MEF2A: variants seen among roughly 807,000 people sequenced by gnomAD.
MEF2A encodes myocyte-specific enhancer factor 2A.
Under a neutral mutation model 55.8 loss-of-function variants are expected in MEF2A, and 28 were observed. The observed-to-expected ratio is 0.50, with a 90% confidence interval of 0.37 to 0.69. The LOEUF is 0.69. MEF2A is among the 30% of genes least tolerant of loss of function. The probability of loss-of-function intolerance (pLI) is 0.00; values close to 1 mark genes in which losing one functional copy is unlikely to be tolerated. For synonymous variants in MEF2A, 239 were observed against 227.1 expected (o/e 1.05, Z -0.47); for missense variants, 528 against 626.2 (o/e 0.84, Z 1.67).
intron 1 of MEF2A, among the ~76,000 whole-genome samples, chr15:99,567,627 CTGTGTGTGTG>C (rs370539645): frequency 0.01 from 1,442 of 143,862 alleles, 23 homozygotes; most frequent in African/African-American, 0.034. Context: ...TTTGTATGTA[CTGTGTGTGTG>C]TGTGTGTGTG....
chr15:99,655,900 C>T (rs909319616), intron 4 of MEF2A, among the ~76,000 whole-genome samples: 4 of 152,076 alleles, frequency 2.6e-5, no homozygotes, highest in African/African-American at 9.7e-5. Flanking sequence ...CTCTCTCTTT[C>T]ATTTAACTGA....
chr15:99,586,217 A>G (rs1243927793), intron 1 of MEF2A, among the ~76,000 whole-genome samples: 5 of 152,150 alleles, frequency 3.3e-5, no homozygotes, highest in East Asian at 1.9e-4. Flanking sequence ...TCTGGGTCAC[A>G]TGGTATATGT....
chr15:99,605,039 A>T lies in MEF2A; in HGVS notation c.-143+6528A>T, dbSNP rs530143273. Among the ~76,000 whole-genome samples the T allele has an allele frequency of 2.6e-3, 402 of 152,260 alleles. 4 individuals are homozygous for T. Among genetic ancestry groups the T allele is most frequent in the Non-Finnish European group, 3.8e-3 (260 of 68,006 alleles). On this transcript the variant is annotated intron_variant, in intron 2 of 11. Coordinates refer to ENST00000557942, the MANE Select transcript of MEF2A (RefSeq NM_001319206.4). Reference sequence around the variant, plus strand: ...CTGCTCACTGCAACCTCCACCTCCCAGGTTCAAGCTGTTCTCTTGCCTCAT... The same window carrying T: ...CTGCTCACTGCAACCTCCACCTCCCTGGTTCAAGCTGTTCTCTTGCCTCAT...
At chr15:99,646,501 A>AT (rs1432729634) in intron 4 of MEF2A, among the ~76,000 whole-genome samples, 1 of 151,992 alleles carries the variant, frequency 6.6e-6, no homozygotes, top group East Asian at 1.9e-4. Flanking sequence ...GAGGTTTTAT[A>AT]TTTATTCAGT....
intron 4 of MEF2A, among the ~76,000 whole-genome samples, chr15:99,666,851 G>A (rs1406110004): frequency 2.6e-5 from 4 of 152,024 alleles, no homozygotes; most frequent in Non-Finnish European, 4.4e-5. Flanking sequence ...AATAGCTTCC[G>A]ACAGAAAGGA....
chr15:99,674,358 C>T, intron 5 of MEF2A, 35 bp from the exon 6 acceptor site: 2 of 1,556,358 alleles, frequency 1.3e-6, no homozygotes, highest in Non-Finnish European at 1.7e-6. Context: ...GAATACGAAA[C>T]CAACAGTTTT....
rs1555461506 is a variant in MEF2A, at chr15:99,622,702, C to CTTTCTTT, written c.-142-10273_-142-10272insCTTTTTT. ...ATCCTTCTTTAGGATGTTTTCTTTT[C>CTTTCTTT]TTTTTTTTTTTCTTTTTTGAGATGG... On this transcript the variant is annotated intron_variant, in intron 2 of 11. Coordinates refer to ENST00000557942, the MANE Select transcript of MEF2A (RefSeq NM_001319206.4). Among the ~76,000 whole-genome samples, 504 of 135,710 alleles carry CTTTCTTT rather than the reference C, an allele frequency of 3.7e-3. 5 individuals are homozygous for CTTTCTTT. Among genetic ancestry groups the CTTTCTTT allele is most frequent in the African/African-American group, 0.012 (459 of 38,454 alleles). 89.0% of individuals were successfully genotyped at this position (135,710 alleles called of 152,430 possible). A position where few individuals can be genotyped will look rare whatever the true frequency, so the allele number is the denominator to read the frequency against.
intron 8 of MEF2A, among the ~76,000 whole-genome samples, chr15:99,696,947 T>C (rs2056564143): frequency 6.6e-6 from 1 of 152,000 alleles, no homozygotes; most frequent in Non-Finnish European, 1.5e-5. Flanking sequence ...AAAAGGATAA[T>C]ACATCAAGAC....
At chr15:99,641,749 A>G (rs1322315801) in intron 3 of MEF2A, among the ~76,000 whole-genome samples, 1 of 151,824 alleles carries the variant, frequency 6.6e-6, no homozygotes, top group African/African-American at 2.4e-5. Flanking sequence ...TCATAATCCC[A>G]CTGGCCGATT....
chr15:99,650,229 A>G (rs1025688174), intron 4 of MEF2A, among the ~76,000 whole-genome samples: 9 of 152,208 alleles, frequency 5.9e-5, no homozygotes, highest in African/African-American at 1.9e-4. Flanking sequence ...TCATGTAGCA[A>G]TGTAGTGGCA....
At chr15:99,687,967 A>G (rs533267214) in intron 7 of MEF2A, among the ~76,000 whole-genome samples, 1 of 152,326 alleles carries the variant, frequency 6.6e-6, no homozygotes, top group African/African-American at 2.4e-5. Context: ...TCTTAATGAC[A>G]TGTGAATGCT....
At chr15:99,639,232 T>C (rs550377933) in intron 3 of MEF2A, among the ~76,000 whole-genome samples, 1 of 152,296 alleles carries the variant, frequency 6.6e-6, no homozygotes, top group South Asian at 2.1e-4. Flanking sequence ...TACTGTCCTC[T>C]TTATAATTTT....
chr15:99,671,229 A>C (rs1284941789), intron 4 of MEF2A, 94 bp from the exon 5 acceptor site: 1 of 1,366,652 alleles, frequency 7.3e-7, no homozygotes, highest in Non-Finnish European at 1.0e-6. Context: ...TGTATAATTC[A>C]GTTCATTCCG....
chr15:99,663,012 C>G (rs1160482369), intron 4 of MEF2A, among the ~76,000 whole-genome samples: 1 of 152,022 alleles, frequency 6.6e-6, no homozygotes, highest in Non-Finnish European at 1.5e-5. Flanking sequence ...CATAGTTTCA[C>G]TTGTAAGTGC....
At chr15:99,630,428 A>G (rs1249816033) in intron 2 of MEF2A, among the ~76,000 whole-genome samples, 1 of 151,662 alleles carries the variant, frequency 6.6e-6, no homozygotes, top group Non-Finnish European at 1.5e-5. Flanking sequence ...CATGTTTTCC[A>G]CTTTTTGTTT....
chr15:99,691,885 T>C (rs2055545304), intron 8 of MEF2A, among the ~76,000 whole-genome samples: 1 of 152,208 alleles, frequency 6.6e-6, no homozygotes, highest in Non-Finnish European at 1.5e-5. Flanking sequence ...TTTAGGGTTC[T>C]AGTCTCATTT....
chr15:99,568,389 T>G (rs928421844), intron 1 of MEF2A, among the ~76,000 whole-genome samples: 1 of 152,146 alleles, frequency 6.6e-6, no homozygotes, highest in Non-Finnish European at 1.5e-5. Flanking sequence ...TTTCAAATGG[T>G]GATGTTATGT....
At chr15:99,675,312 T>C (rs1177898834) in intron 6 of MEF2A, 87 bp from the exon 7 acceptor site, 11 of 1,125,584 alleles carry the variant, frequency 9.8e-6, no homozygotes, top group East Asian at 9.4e-5. Flanking sequence ...GTGAGAGTTA[T>C]CTCTATTCAG....
intron 1 of MEF2A, among the ~76,000 whole-genome samples, chr15:99,579,966 C>T (rs59812744): frequency 0.41 from 63,055 of 151,968 alleles, 14,726 homozygotes; most frequent in Middle Eastern, 0.6. Context: ...CTGTGTGTTT[C>T]GGTGCGCCTC....
Sources: allele counts gnomAD v4.1 joint callset (sites outside exome capture counted in the v4.1 genomes callset), GRCh38; gene constraint gnomAD v4.1.1; transcripts MANE v1.5; gene names NCBI Gene and HGNC (gene_info 2026-07-23, HGNC 2026-07-21).